Variants in LCN1 observed in about 807,000 individuals in gnomAD.
LCN1 encodes lipocalin-1.
A neutral mutation model predicts 22.3 loss-of-function variants in LCN1; 25 were observed. The ratio of observed to expected loss-of-function variants is 1.12; its 90% confidence interval spans 0.82 to 1.56. LCN1 has a LOEUF of 1.56. LCN1 is among the 40% of genes most tolerant of loss of function. The pLI, the probability that LCN1 is intolerant of heterozygous loss-of-function variation, is 0.00. For missense variants in LCN1, 219 were observed against 235.6 expected (o/e 0.93, Z 0.46); for synonymous variants, 85 against 97.6 (o/e 0.87, Z 0.76).
chr9:135,524,773 G>T, intron 4 of LCN1, 57 bp from the exon 5 acceptor site: 1 of 1,366,640 alleles, frequency 7.3e-7, no homozygotes, highest in Non-Finnish European at 1.0e-6. Context: ...GACTGGGATG[G>T]GGTGCCGTCG....
chr9:135,524,099 C>A (rs571193018), intron 4 of LCN1, 109 bp downstream of exon 4: 78 of 788,714 alleles, frequency 9.9e-5, no homozygotes, highest in African/African-American at 9.7e-4. Context: ...ACCCAGGAAC[C>A]CACTGCAGTT....
At chr9:135,524,048 C>A in intron 4 of LCN1, 58 bp downstream of exon 4, 1 of 1,289,776 alleles carries the variant, frequency 7.8e-7, no homozygotes, top group Non-Finnish European at 1.1e-6. Context: ...CCTCCTCCCT[C>A]GGCCTCCTGC....
chr9:135,523,064 G>A (rs1417255847), intron 2 of LCN1, among the ~76,000 whole-genome samples, 168 bp from the exon 3 acceptor site: 1 of 152,228 alleles, frequency 6.6e-6, no homozygotes, highest in Non-Finnish European at 1.5e-5. Flanking sequence ...TGCCGCATGG[G>A]ACCCGGAGGG....
rs775131335 is a variant in LCN1 at position 135,522,141 on chromosome 9, T to C, written c.185T>C (p.Leu62Pro). Reference sequence around the variant, plus strand: ...GTGACACCCATGACCCTCACGACCCTGGAAGGGGGCAACCTGGAAGCCAAG... The same window carrying C: ...GTGACACCCATGACCCTCACGACCCCGGAAGGGGGCAACCTGGAAGCCAAG... ...ESVTPMTLTTLEGGNLEAKVT... is the reference protein window; with the variant it reads ...ESVTPMTLTTPEGGNLEAKVT... Residue 62 changes from leucine (L) to proline (P), a missense_variant, in exon 2 of 7, where the codon CTG becomes CCG. Leu to Pro is a moderately conservative substitution (Grantham distance 98, BLOSUM62 -3). Coordinates refer to ENST00000371781, the MANE Select transcript of LCN1 (RefSeq NM_002297.4). 2.7e-5 allele frequency: 44 copies of C among 1,602,592 alleles called. No individual in the cohort carries two copies. Among genetic ancestry groups the C allele is most frequent in the Non-Finnish European group, 3.6e-5 (42 of 1,174,760 alleles).
intron 2 of LCN1, among the ~76,000 whole-genome samples, chr9:135,522,486 G>A (rs932505366): frequency 4.6e-5 from 7 of 152,356 alleles, no homozygotes; most frequent in Middle Eastern, 3.4e-3. Flanking sequence ...GTTTACCCCC[G>A]ACCAGAGTCA....
intron 1 of LCN1, among the ~76,000 whole-genome samples, 181 bp downstream of exon 1, chr9:135,521,768 A>G (rs1163237370): frequency 1.5e-5 from 2 of 130,774 alleles, no homozygotes; most frequent in Non-Finnish European, 3.2e-5. Flanking sequence ...TAGGTGGCGC[A>G]GGGGTGCAGA....
chr9:135,525,564 G>A (rs145767506), intron 6 of LCN1, among the ~76,000 whole-genome samples: 477 of 152,236 alleles, frequency 3.1e-3, no homozygotes, highest in African/African-American at 0.011. Flanking sequence ...GCCTGTGCTC[G>A]CTGTGTCAGA....
intron 3 of LCN1, 84 bp from the exon 4 acceptor site, chr9:135,523,796 T>A (rs1831559085): frequency 1.7e-6 from 2 of 1,162,722 alleles, no homozygotes; most frequent in Non-Finnish European, 2.5e-6. Flanking sequence ...CGGGGCTTGC[T>A]GGGCCTGGCA....
In LCN1 at chr9:135,523,978, G is replaced by A. The variant is rs1831565817; in HGVS notation, c.391G>A (p.Val131Met). ...GELHGKPVRG[V>M]KLVGRDPKNN... ...GCTGCACGGGAAGCCGGTCCGAGGG[G>A]TGAAGCTCGTGGGTGGGTCCCGCAC... The change falls in exon 4 of 7, where the codon GTG becomes ATG. Residue 131 changes from valine (V) to methionine (M), a missense_variant. Val to Met is a conservative substitution (Grantham distance 21). Transcript: ENST00000371781. 1 of 1,613,778 alleles carries A rather than the reference G, an allele frequency of 6.2e-7. No individual in the cohort carries two copies. Among genetic ancestry groups the A allele is most frequent in the Non-Finnish European group, 8.5e-7 (1 of 1,179,766 alleles).
intron 2 of LCN1, among the ~76,000 whole-genome samples, chr9:135,522,643 G>T (rs1190589652): frequency 1.3e-5 from 2 of 152,142 alleles, no homozygotes; most frequent in African/African-American, 2.4e-5. Flanking sequence ...CTCTCACCTG[G>T]GCTGCTTCCA....
In LCN1 at chr9:135,521,549, G is replaced by A. The variant is rs139335104; in HGVS notation, c.52G>A (p.Ala18Thr). 5 of 1,613,490 alleles carry A rather than the reference G, an allele frequency of 3.1e-6. No homozygotes were observed. The African/African-American group carries it at 4.0e-5, about 13-fold the overall frequency. The change falls in exon 1 of 7, where the codon GCC (alanine) becomes ACC (threonine). Residue 18 changes from alanine (A) to threonine (T), a missense_variant. Physicochemically the swap from Ala to Thr is moderately conservative, Grantham distance 58. Transcript: ENST00000371781. The stretch of plus-strand genomic sequence containing the variant: ...CCTTGGCCTCATTGCTGCCCTGCAG[G>A]CCCACCACCTCCTGGCCTCAGACGA... ...VSLGLIAALQ[A>T]HHLLASDEEI...
intron 2 of LCN1, among the ~76,000 whole-genome samples, chr9:135,522,791 T>C (rs1831531472): frequency 6.6e-6 from 1 of 151,846 alleles, no homozygotes; most frequent in African/African-American, 2.4e-5. Context: ...ATGACCCCGA[T>C]TTTTTTTTCC....
intron 6 of LCN1, among the ~76,000 whole-genome samples, 185 bp from the exon 7 acceptor site, chr9:135,526,159 G>A (rs868672055): frequency 7.0e-5 from 4 of 56,798 alleles, no homozygotes; most frequent in East Asian, 6.2e-4. Context: ...CATAGCCCCC[G>A]AGAGCCTGCA....
chr9:135,524,560 G>A (rs1249635433), intron 4 of LCN1, among the ~76,000 whole-genome samples: 1 of 152,150 alleles, frequency 6.6e-6, no homozygotes, highest in Admixed American at 6.5e-5. Flanking sequence ...CTCCAGGGTG[G>A]GCCTGTCGTG....
At chr9:135,523,124 C>T (rs1436506652) in intron 2 of LCN1, 108 bp from the exon 3 acceptor site, 1 of 985,250 alleles carries the variant, frequency 1.0e-6, no homozygotes, top group Non-Finnish European at 1.5e-6. Context: ...CCTCCATGGG[C>T]CTGTGGCAGA....
Position 135,523,407 on chromosome 9 carries a change from G to GCTGCCTT in LCN1, c.292+109_292+115dup. On this transcript the variant is annotated intron_variant, in intron 3 of 6. Transcript: ENST00000371781. ...GGCCTTTTGGCCTGGGAAGCCTTTT[G>GCTGCCTT]CTGCCTTCTGACTCCACTAAAAGCC... is the stretch of plus-strand genomic sequence containing the variant. The GCTGCCTT allele has an allele frequency of 4.0e-6, 4 of 991,722 alleles. No homozygotes were observed. In the South Asian group the frequency reaches 6.6e-5, roughly 16 times the overall value. 61.4% of individuals were successfully genotyped at this position (991,722 alleles called of 1,614,324 possible).
intron 1 of LCN1, 123 bp downstream of exon 1, chr9:135,521,710 C>T: frequency 1.1e-6 from 1 of 872,676 alleles, no homozygotes; most frequent in Non-Finnish European, 1.8e-6. Context: ...TCAAGCCCTG[C>T]CCTGAGGGAA....
chr9:135,523,264 T>A lies in LCN1; in HGVS notation c.254T>A (p.Val85Asp), dbSNP rs756827021. 1.2e-6 allele frequency: 2 copies of A among 1,612,482 alleles called. No homozygotes were observed. The highest frequency in any genetic ancestry group is 1.7e-6 in the Non-Finnish European group (2 of 1,179,782). The stretch of plus-strand genomic sequence containing the variant: ...GGCCGGTGCCAGGAGGTGAAGGCCG[T>A]CCTGGAGAAAACTGACGAGCCGGGA... ...ISGRCQEVKA[V>D]LEKTDEPGKY... Residue 85 changes from valine to aspartate, a missense_variant, in exon 3 of 7, where the codon GTC becomes GAC. Val to Asp is a radical substitution (Grantham distance 152). Coordinates refer to ENST00000371781, the MANE Select transcript of LCN1 (RefSeq NM_002297.4).
rs758175144 is a variant in LCN1, at chr9:135,524,933, TAGG to T, written c.505+6_505+8del. The T allele has an allele frequency of 2.3e-4, 372 of 1,604,508 alleles. No individual in the cohort carries two copies. Among genetic ancestry groups the T allele is most frequent in the Non-Finnish European group, 3.1e-4 (362 of 1,175,868 alleles). ...GCATCCTCATCCCCAGGCAGAGCGG[TAGG>T]AGGCATGGCCCTGCAGAGCCCCCCA... On this transcript the variant is annotated splice_donor_5th_base_variant and intron_variant, in intron 5 of 6. Transcript: ENST00000371781.
Sources: allele counts gnomAD v4.1 joint callset (sites outside exome capture counted in the v4.1 genomes callset), GRCh38; gene constraint gnomAD v4.1.1; transcripts MANE v1.5; gene names NCBI Gene and HGNC (gene_info 2026-07-23, HGNC 2026-07-21).